Variants in WDR7 observed in about 807,000 individuals in gnomAD.
WDR7 encodes WD repeat domain 7.
In WDR7, 46 loss-of-function variants were observed where a neutral mutation model predicts 169.4. The observed-to-expected ratio is 0.27, with a 90% CI of 0.21 to 0.35. The LOEUF (loss-of-function observed/expected upper bound fraction) is 0.35. WDR7 is among the 10% of genes least tolerant of loss of function. The pLI is 1.00. For missense variants in WDR7, 1,534 were observed against 1,859.3 expected, an observed-to-expected ratio of 0.83 and a Z score of 3.22; for synonymous variants, 612 against 666.8, an observed-to-expected ratio of 0.92 and a Z score of 1.27.
chr18:56,999,070 G>A (rs2047938617), intron 26 of WDR7, among the ~76,000 whole-genome samples: 1 of 152,170 alleles, frequency 6.6e-6, no homozygotes, highest in South Asian at 2.1e-4. Context: ...TCAGAGTTAT[G>A]AAAATATTTA....
chr18:56,965,515 G>A (rs140824625), intron 26 of WDR7, among the ~76,000 whole-genome samples: 1 of 151,514 alleles, frequency 6.6e-6, no homozygotes, highest in South Asian at 2.1e-4. Context: ...GATAAGTATG[G>A]CATGTTGGCC....
chr18:56,953,395 G>T lies in WDR7; in HGVS notation c.4065-9035G>T, dbSNP rs564895602. ...TTTAACATATAAATGGCTAATCTTA[G>T]TACCCAATTCCAAAATTAGAAAAAA... On this transcript the variant is annotated intron_variant, in intron 25 of 27. Coordinates refer to ENST00000254442, the MANE Select transcript of WDR7 (RefSeq NM_015285.3). Among the ~76,000 whole-genome samples, 10 of 152,036 alleles carry T rather than the reference G, an allele frequency of 6.6e-5. No individual in the cohort carries two copies. The South Asian group carries it at 1.5e-3, about 22-fold the overall frequency.
At chr18:56,983,420 CA>C (rs1392135385) in intron 26 of WDR7, among the ~76,000 whole-genome samples, 2 of 152,068 alleles carry the variant, frequency 1.3e-5, no homozygotes, top group East Asian at 1.9e-4. Context: ...TATAACTTTT[CA>C]AAAATGGAAA....
At chr18:56,802,551 G>A (rs1395100011) in intron 19 of WDR7, among the ~76,000 whole-genome samples, 1 of 141,896 alleles carries the variant, frequency 7.0e-6, no homozygotes, top group Non-Finnish European at 1.5e-5. Context: ...TGTATTTTTA[G>A]TAGAGACAGG....
At chr18:56,956,464 A>G (rs576034775) in intron 25 of WDR7, among the ~76,000 whole-genome samples, 1 of 152,170 alleles carries the variant, frequency 6.6e-6, no homozygotes, top group East Asian at 1.9e-4. Flanking sequence ...CTGTTGACCA[A>G]TTCTCTGAGA....
At chr18:56,943,288 T>A (rs1400370761) in intron 25 of WDR7, among the ~76,000 whole-genome samples, 1 of 152,216 alleles carries the variant, frequency 6.6e-6, no homozygotes. Flanking sequence ...GGCATGAATA[T>A]CTGTGGTTCA....
At chr18:56,855,070 A>G (rs1218199890) in intron 20 of WDR7, among the ~76,000 whole-genome samples, 2 of 152,220 alleles carry the variant, frequency 1.3e-5, no homozygotes, top group Non-Finnish European at 1.5e-5. Flanking sequence ...GAGAGATGCT[A>G]TTGATCTACA....
At chr18:56,736,582 G>T (rs147874230) in intron 14 of WDR7, among the ~76,000 whole-genome samples, 2 of 150,750 alleles carry the variant, frequency 1.3e-5, no homozygotes. Context: ...CACACATACC[G>T]TTGAAAACAA....
chr18:56,928,308 A>T (rs2145661541), intron 22 of WDR7, among the ~76,000 whole-genome samples: 1 of 150,630 alleles, frequency 6.6e-6, no homozygotes, highest in South Asian at 2.1e-4. Flanking sequence ...TACAAACAAA[A>T]ATAATAATTA....
intron 2 of WDR7, among the ~76,000 whole-genome samples, chr18:56,673,935 T>A (rs183818114): frequency 2.1e-3 from 313 of 152,324 alleles, no homozygotes; most frequent in African/African-American, 7.2e-3. Context: ...TGGAATCATA[T>A]AACTATAATA....
chr18:56,719,698 G>A (rs2430904), intron 13 of WDR7, among the ~76,000 whole-genome samples: 14,693 of 151,902 alleles, frequency 0.097, 870 homozygotes, highest in Non-Finnish European at 0.13. Context: ...TTCATAAACT[G>A]AATATATGGA....
At chr18:56,842,392 G>T (rs1311350786) in intron 20 of WDR7, among the ~76,000 whole-genome samples, 1 of 152,076 alleles carries the variant, frequency 6.6e-6, no homozygotes, top group Admixed American at 6.6e-5. Flanking sequence ...GCATTAGTCC[G>T]TTCACTAAGG....
intron 21 of WDR7, among the ~76,000 whole-genome samples, chr18:56,898,867 A>C (rs1469468520): frequency 1.3e-5 from 2 of 152,100 alleles, no homozygotes; most frequent in African/African-American, 4.8e-5. Flanking sequence ...AATTTTGATA[A>C]TCATACAATG....
intron 12 of WDR7, 108 bp downstream of exon 12, chr18:56,696,570 A>T: frequency 1.0e-6 from 1 of 976,084 alleles, no homozygotes; most frequent in South Asian, 1.9e-5. Context: ...GTGACAAGAT[A>T]ATTAAGAAAA....
At chr18:56,846,505 C>G (rs763525671) in intron 20 of WDR7, among the ~76,000 whole-genome samples, 5 of 152,244 alleles carry the variant, frequency 3.3e-5, no homozygotes, top group Middle Eastern at 3.4e-3. Flanking sequence ...CCTTTCACTT[C>G]CCTCCATGAT....
chr18:56,839,897 C>T (rs1185245343), intron 20 of WDR7, among the ~76,000 whole-genome samples: 1 of 152,030 alleles, frequency 6.6e-6, no homozygotes, highest in Non-Finnish European at 1.5e-5. Flanking sequence ...CTCGTCTCTA[C>T]TAAAAATACA....
intron 14 of WDR7, among the ~76,000 whole-genome samples, chr18:56,739,125 TG>T (rs1352161609): frequency 6.6e-6 from 1 of 152,112 alleles, no homozygotes; most frequent in East Asian, 1.9e-4. Flanking sequence ...CTCTGAAAAC[TG>T]ATATAGTAGT....
chr18:56,699,981 A>G, intron 12 of WDR7: 5 of 725,130 alleles, frequency 6.9e-6, no homozygotes, highest in Non-Finnish European at 8.4e-6. Flanking sequence ...CTTTTTATCT[A>G]AAAGTCTTTC....
chr18:56,683,952 T>C (rs760666269), intron 5 of WDR7, among the ~76,000 whole-genome samples: 12 of 152,056 alleles, frequency 7.9e-5, no homozygotes, highest in Non-Finnish European at 1.5e-4. Flanking sequence ...TAAAGGACAA[T>C]GATATATAAA....
Sources: allele counts gnomAD v4.1 joint callset (sites outside exome capture counted in the v4.1 genomes callset), GRCh38; gene constraint gnomAD v4.1.1; transcripts MANE v1.5; gene names NCBI Gene and HGNC (gene_info 2026-07-23, HGNC 2026-07-21).